SLC15A1: variants seen among roughly 807,000 people sequenced by gnomAD.
The protein encoded by SLC15A1 is solute carrier family 15 member 1.
A neutral mutation model predicts 92.9 loss-of-function variants in SLC15A1; 83 were observed. That is an observed-to-expected ratio of 0.89 (90% CI 0.75 to 1.07). The LOEUF (loss-of-function observed/expected upper bound fraction) is 1.07. Ranked by LOEUF, SLC15A1 falls within the 50% of genes least tolerant of loss-of-function variation. SLC15A1 has a pLI of 0.00. For synonymous variants in SLC15A1, 322 were observed against 318.2 expected (o/e 1.01, Z -0.13); for missense variants, 857 against 880.1 (o/e 0.97, Z 0.33).
At chr13:98,691,159 T>A (rs2087972556) in intron 18 of SLC15A1, among the ~76,000 whole-genome samples, 1 of 152,166 alleles carries the variant, frequency 6.6e-6, no homozygotes, top group Non-Finnish European at 1.5e-5. Flanking sequence ...TTCTCCTGCC[T>A]CAGACTCCCA....
intron 1 of SLC15A1, among the ~76,000 whole-genome samples, chr13:98,735,753 A>G (rs2088388235): frequency 6.6e-6 from 1 of 152,230 alleles, no homozygotes; most frequent in Non-Finnish European, 1.5e-5. Context: ...TGCTTCAAAG[A>G]GAATAAAATA....
chr13:98,688,658 G>T, intron 18 of SLC15A1, 81 bp from the exon 19 acceptor site: 1 of 938,920 alleles, frequency 1.1e-6, no homozygotes, highest in South Asian at 1.4e-5. Context: ...CTGAAGTTGG[G>T]CAATACTCCC....
intron 1 of SLC15A1, among the ~76,000 whole-genome samples, chr13:98,744,458 A>G (rs1350817638): frequency 6.6e-6 from 1 of 151,934 alleles, no homozygotes; most frequent in African/African-American, 2.4e-5. Context: ...ATAGATTAAA[A>G]GTAATGGCAA....
chr13:98,733,825 C>A (rs1443902614), intron 1 of SLC15A1, among the ~76,000 whole-genome samples: 5 of 152,184 alleles, frequency 3.3e-5, no homozygotes, highest in Non-Finnish European at 7.3e-5. Context: ...TATGTCCCCA[C>A]CAAAATCTCA....
At chr13:98,686,051 G>A in intron 22 of SLC15A1, 139 bp downstream of exon 22, 1 of 659,864 alleles carries the variant, frequency 1.5e-6, no homozygotes, top group South Asian at 1.8e-5. Context: ...TTTGGGAACA[G>A]CCCTGGCTGG....
chr13:98,744,015 C>A (rs914795591), intron 1 of SLC15A1, among the ~76,000 whole-genome samples: 2 of 151,870 alleles, frequency 1.3e-5, no homozygotes, highest in African/African-American at 2.4e-5. Context: ...TCTAAAGATA[C>A]ATAAATGTCG....
intron 1 of SLC15A1, among the ~76,000 whole-genome samples, chr13:98,741,434 G>A (rs2088444246): frequency 6.6e-6 from 1 of 152,170 alleles, no homozygotes; most frequent in African/African-American, 2.4e-5. Flanking sequence ...CCAGCATGGT[G>A]AAACCCCATC....
chr13:98,723,864 G>T, intron 5 of SLC15A1, 48 bp downstream of exon 5: 2 of 1,611,006 alleles, frequency 1.2e-6, no homozygotes, highest in Non-Finnish European at 1.7e-6. Flanking sequence ...GGCATCAAAT[G>T]CGCACAAGGT....
intron 1 of SLC15A1, among the ~76,000 whole-genome samples, chr13:98,747,588 C>CA (rs1268540169): frequency 2.6e-5 from 4 of 152,028 alleles, no homozygotes; most frequent in Non-Finnish European, 5.9e-5. Context: ...AATTATTAAT[C>CA]AAAAAAACCC....
chr13:98,692,546 C>T (rs1298260418), intron 18 of SLC15A1, among the ~76,000 whole-genome samples: 3 of 152,100 alleles, frequency 2.0e-5, no homozygotes, highest in Non-Finnish European at 4.4e-5. Context: ...CAGGTTGATC[C>T]TCACATTTGG....
chr13:98,721,986 G>T, intron 5 of SLC15A1, 83 bp from the exon 6 acceptor site: 1 of 1,107,724 alleles, frequency 9.0e-7, no homozygotes, highest in South Asian at 1.5e-5. Flanking sequence ...CCCTCAGTGG[G>T]CCTGGCATAG....
intron 9 of SLC15A1, among the ~76,000 whole-genome samples, chr13:98,715,243 C>T (rs1478706710): frequency 3.3e-5 from 5 of 152,312 alleles, no homozygotes; most frequent in Admixed American, 6.5e-5. Context: ...GGCACAATCT[C>T]GGCTCACTGC....
chr13:98,717,514 C>T (rs1412292878), intron 8 of SLC15A1, among the ~76,000 whole-genome samples: 1 of 152,158 alleles, frequency 6.6e-6, no homozygotes, highest in African/African-American at 2.4e-5. Context: ...TAACAATGTA[C>T]CTAACGTGCT....
intron 1 of SLC15A1, among the ~76,000 whole-genome samples, chr13:98,749,610 TAAG>T (rs778544097): frequency 1.4e-4 from 22 of 152,242 alleles, no homozygotes; most frequent in African/African-American, 4.8e-4. Flanking sequence ...TCCCAGCATA[TAAG>T]AAGTTTTCTG....
rs1355149702 is a variant in SLC15A1 at position 98,709,652 on chromosome 13, G to C, written c.987C>G (p.Asn329Lys). Reference protein sequence around the residue: ...EIQPDQMQTVNAILIVIMVPI... With the variant: ...EIQPDQMQTVKAILIVIMVPI... Reference sequence around the variant, plus strand: ...GGACCATGATCACGATCAGGATGGCGTTCACGGTCTGCAGAGGAAGTGGAG... The same window carrying C: ...GGACCATGATCACGATCAGGATGGCCTTCACGGTCTGCAGAGGAAGTGGAG... Residue 329 changes from asparagine to lysine, a missense_variant, in exon 14 of 23, where the codon AAC becomes AAG. Asn to Lys is a moderately conservative substitution (Grantham distance 94). Transcript: ENST00000376503. The C allele has an allele frequency of 3.1e-6, 5 of 1,614,174 alleles. 1 individual carries two copies. Among genetic ancestry groups the C allele is most frequent in the South Asian group, 1.1e-5 (1 of 91,070 alleles).
chr13:98,695,020 C>CAA (rs1170231960), intron 18 of SLC15A1, among the ~76,000 whole-genome samples: 26,034 of 73,376 alleles, frequency 0.35, 5,591 homozygotes, highest in Non-Finnish European at 0.48. Context: ...GACTCCGTCT[C>CAA]AAAAAAAAAA....
At chr13:98,689,902 T>C (rs1322968130) in intron 18 of SLC15A1, among the ~76,000 whole-genome samples, 1 of 152,190 alleles carries the variant, frequency 6.6e-6, no homozygotes, top group Non-Finnish European at 1.5e-5. Flanking sequence ...CAAAGTCCCG[T>C]GAGGCTACGC....
At chr13:98,745,459 G>A (rs1273245162) in intron 1 of SLC15A1, among the ~76,000 whole-genome samples, 5 of 152,166 alleles carry the variant, frequency 3.3e-5, no homozygotes, top group Non-Finnish European at 7.3e-5. Flanking sequence ...TTTGGAAATA[G>A]GATCATTACA....
At chr13:98,732,591 A>G (rs2088359866) in intron 1 of SLC15A1, among the ~76,000 whole-genome samples, 1 of 152,186 alleles carries the variant, frequency 6.6e-6, no homozygotes, top group East Asian at 1.9e-4. Flanking sequence ...GAACCATTTC[A>G]GGATGGAAAC....
Sources: allele counts gnomAD v4.1 joint callset (sites outside exome capture counted in the v4.1 genomes callset), GRCh38; gene constraint gnomAD v4.1.1; transcripts MANE v1.5; gene names NCBI Gene and HGNC (gene_info 2026-07-23, HGNC 2026-07-21).